The following MDGA2 variants were observed in gnomAD, a reference collection of about 807,000 sequenced individuals.
MDGA2 encodes MAM domain-containing glycosylphosphatidylinositol anchor protein 2.
In MDGA2, 40 loss-of-function variants were observed where a neutral mutation model predicts 117.8. The observed-to-expected ratio is 0.34, with a 90% confidence interval of 0.26 to 0.44. The LOEUF (loss-of-function observed/expected upper bound fraction) is 0.44, where lower values mean the gene tolerates loss of function less well. MDGA2 is among the 20% of genes least tolerant of loss of function. The pLI, the probability that MDGA2 is intolerant of heterozygous loss-of-function variation, is 1.00. For synonymous variants in MDGA2, 452 were observed against 439.0 expected, an observed-to-expected ratio of 1.03 and a Z score of -0.37; for missense variants, 1,123 against 1,250.6, an observed-to-expected ratio of 0.90 and a Z score of 1.54.
chr14:47,221,647 C>T lies in MDGA2; in HGVS notation c.421-3452G>A, dbSNP rs1023975722. Among the ~76,000 whole-genome samples the T allele has an allele frequency of 1.1e-4, 15 of 140,560 alleles. No individual in the cohort carries two copies. In the East Asian group the frequency reaches 2.1e-3, roughly 20 times the overall value. The allele number at this position is 140,560 out of a possible 152,430, so 92.2% of individuals were successfully genotyped here. A position where few individuals can be genotyped will look rare whatever the true frequency, so the allele number is the denominator to read the frequency against. ...AGCTTGCAGTGAGCAGAGTTTGCAC[C>T]ACTGCACTCCAGGCGGGGTGACAGA... is the stretch of plus-strand genomic sequence containing the variant. On this transcript the variant is annotated intron_variant, in intron 2 of 16. Coordinates refer to ENST00000399232, the MANE Select transcript of MDGA2 (RefSeq NM_001113498.3).
At chr14:47,134,128 A>G (rs1882341132) in intron 4 of MDGA2, among the ~76,000 whole-genome samples, 2 of 152,072 alleles carry the variant, frequency 1.3e-5, no homozygotes, top group South Asian at 4.1e-4. Context: ...TGTTAAATAC[A>G]TGAAATCTAA....
chr14:47,604,487 A>AC (rs60602833), intron 1 of MDGA2, among the ~76,000 whole-genome samples: 24,339 of 91,062 alleles, frequency 0.27, 2,002 homozygotes, highest in East Asian at 0.47. Flanking sequence ...CAGCTTCCCC[A>AC]CCCCCCCCCA....
intron 1 of MDGA2, 24 bp downstream of exon 1, chr14:47,674,493 C>T (rs558370333): frequency 6.5e-7 from 1 of 1,541,942 alleles, no homozygotes; most frequent in Admixed American, 2.0e-5. Flanking sequence ...CACAAGGTCA[C>T]GATAGCGTCG....
chr14:47,510,674 G>A (rs1894620446), intron 1 of MDGA2, among the ~76,000 whole-genome samples: 1 of 152,188 alleles, frequency 6.6e-6, no homozygotes, highest in African/African-American at 2.4e-5. Context: ...AAGGATAAAT[G>A]GGAAGCCTTC....
intron 10 of MDGA2, among the ~76,000 whole-genome samples, chr14:46,916,647 G>C (rs550291245): frequency 9.2e-5 from 14 of 151,948 alleles, no homozygotes; most frequent in Admixed American, 2.0e-4. Context: ...TTATAGTTTT[G>C]AAAAAAAGAG....
intron 1 of MDGA2, among the ~76,000 whole-genome samples, chr14:47,334,983 A>C (rs1890397444): frequency 6.6e-6 from 1 of 151,916 alleles, no homozygotes; most frequent in African/African-American, 2.4e-5. Flanking sequence ...TAGCTTTGAA[A>C]TTGGGTGGTT....
chr14:46,907,966 T>C (rs1184008955), intron 10 of MDGA2, among the ~76,000 whole-genome samples: 4 of 152,166 alleles, frequency 2.6e-5, no homozygotes, highest in Admixed American at 1.3e-4. Flanking sequence ...AATTAGCATA[T>C]TATGTACCAA....
At chr14:47,076,271 TTTAACA>T (rs1048432154) in intron 6 of MDGA2, among the ~76,000 whole-genome samples, 2 of 152,072 alleles carry the variant, frequency 1.3e-5, no homozygotes, top group African/African-American at 4.8e-5. Flanking sequence ...CTTAATACTC[TTTAACA>T]TTAACTTTCT....
At chr14:46,919,950 G>A in intron 10 of MDGA2, 62 bp downstream of exon 10, 32 of 1,424,684 alleles carry the variant, frequency 2.2e-5, no homozygotes, top group Non-Finnish European at 2.9e-5. Flanking sequence ...TTAGAAAAAT[G>A]ATAACAACAA....
At chr14:46,928,282 G>A in intron 9 of MDGA2, among the ~76,000 whole-genome samples, 2 of 152,146 alleles carry the variant, frequency 1.3e-5, no homozygotes, top group South Asian at 4.1e-4. Context: ...TTTATGAACT[G>A]ATAAATTTGT....
chr14:47,582,974 T>C (rs765529934), intron 1 of MDGA2, among the ~76,000 whole-genome samples: 7 of 151,852 alleles, frequency 4.6e-5, no homozygotes, highest in Admixed American at 2.6e-4. Flanking sequence ...AGCACTCTCT[T>C]TGATGGGTAA....
At chr14:47,139,599 G>C (rs562960062) in intron 4 of MDGA2, among the ~76,000 whole-genome samples, 2 of 151,012 alleles carry the variant, frequency 1.3e-5, no homozygotes, top group South Asian at 4.2e-4. Flanking sequence ...ATCAACCTAA[G>C]GAGATAAATT....
At chr14:47,260,568 A>G (rs1887763398) in intron 2 of MDGA2, among the ~76,000 whole-genome samples, 1 of 152,122 alleles carries the variant, frequency 6.6e-6, no homozygotes, top group African/African-American at 2.4e-5. Context: ...TAGAAACATC[A>G]TAGAAAAAAT....
intron 2 of MDGA2, 57 bp downstream of exon 2, chr14:47,301,354 T>C (rs538262665): frequency 6.5e-7 from 1 of 1,535,676 alleles, no homozygotes; most frequent in African/African-American, 1.4e-5. Flanking sequence ...TATACACTTT[T>C]TGACTTCTGA....
chr14:47,568,757 T>A (rs897019493), intron 1 of MDGA2, among the ~76,000 whole-genome samples: 3 of 152,226 alleles, frequency 2.0e-5, no homozygotes, highest in Non-Finnish European at 4.4e-5. Flanking sequence ...GGGGTCAGAA[T>A]ATTTTTTAAT....
chr14:47,131,835 C>A lies in MDGA2; in HGVS notation c.804G>T (p.Lys268Asn). The A allele has an allele frequency of 6.3e-7, 1 of 1,575,064 alleles. No individual in the cohort carries two copies. Among genetic ancestry groups the A allele is most frequent in the Non-Finnish European group, 8.7e-7 (1 of 1,152,414 alleles). The part of the protein sequence containing the change: ...YEPFFTQGET[K>N]ILKLKNLRPQ... ...GTCGAAGATTCTTTAGTTTTAAGATCTTTGTTTCACCCTGAAAATGTACAC... is the reference window on the plus strand; with the variant it reads ...GTCGAAGATTCTTTAGTTTTAAGATATTTGTTTCACCCTGAAAATGTACAC... Residue 268 changes from lysine to asparagine, a missense_variant, in exon 5 of 17, where the codon AAG becomes AAT. Around this residue, in one of 2 missense-constraint regions of MDGA2, gnomAD observed 890 missense variants for 1,050.3 expected, o/e 0.85. Transcript: ENST00000399232.
intron 1 of MDGA2, among the ~76,000 whole-genome samples, chr14:47,597,845 TACACACACACACAC>T (rs35221587): frequency 0.019 from 2,692 of 141,368 alleles, 86 homozygotes; most frequent in African/African-American, 0.066. Flanking sequence ...CACACACACA[TACACACACACACAC>T]ACACACACAC....
intron 1 of MDGA2, among the ~76,000 whole-genome samples, chr14:47,665,315 G>T (rs1184443060): frequency 1.3e-5 from 2 of 151,834 alleles, no homozygotes; most frequent in East Asian, 1.9e-4. Context: ...TTTTCCATTT[G>T]TTTCTATCTC....
intron 3 of MDGA2, among the ~76,000 whole-genome samples, chr14:47,197,858 G>A (rs954651692): frequency 3.3e-5 from 5 of 152,048 alleles, no homozygotes; most frequent in Admixed American, 2.0e-4. Flanking sequence ...GCAGTGAGCC[G>A]AGATTGCACC....
Sources: allele counts gnomAD v4.1 joint callset (sites outside exome capture counted in the v4.1 genomes callset), GRCh38; gene constraint gnomAD v4.1.1; regional missense constraint gnomAD v4.1.1; transcripts MANE v1.5; gene names NCBI Gene and HGNC (gene_info 2026-07-23, HGNC 2026-07-21).